EFCAB11: variants seen among roughly 807,000 people sequenced by gnomAD.
EFCAB11 encodes EF-hand calcium binding domain 11.
A neutral mutation model predicts 23.0 loss-of-function variants in EFCAB11; 14 were observed. That is an observed-to-expected ratio of 0.61 (90% confidence interval 0.40 to 0.95). The LOEUF is 0.95. EFCAB11 is among the 40% of genes least tolerant of loss of function. The probability of loss-of-function intolerance (pLI) is 0.00; values close to 1 mark genes in which losing one functional copy is unlikely to be tolerated. For missense variants in EFCAB11, 198 were observed against 195.8 expected (o/e 1.01, Z -0.07); for synonymous variants, 65 against 66.6 (o/e 0.98, Z 0.11).
chr14:89,797,552 A>T (rs904635157), intron 5 of EFCAB11, among the ~76,000 whole-genome samples: 1 of 152,198 alleles, frequency 6.6e-6, no homozygotes, highest in Non-Finnish European at 1.5e-5. Flanking sequence ...ATATTTAAAG[A>T]GATGAAGCCA....
intron 5 of EFCAB11, among the ~76,000 whole-genome samples, chr14:89,878,164 G>C (rs1033231849): frequency 6.6e-6 from 1 of 152,204 alleles, no homozygotes; most frequent in African/African-American, 2.4e-5. Context: ...CGTACTAAAA[G>C]ATGATCTGAG....
At chr14:89,894,591 T>C (rs1311849481) in intron 5 of EFCAB11, among the ~76,000 whole-genome samples, 5 of 152,164 alleles carry the variant, frequency 3.3e-5, no homozygotes, top group Non-Finnish European at 1.5e-5. Flanking sequence ...AATTAAGTGA[T>C]AAAATATTGA....
rs182290836 is a variant in EFCAB11 at position 89,846,107 on chromosome 14, A to G, written c.411-48783T>C. 1.9e-4 allele frequency among the ~76,000 whole-genome samples: 29 copies of G among 152,364 alleles called. 1 individual carries two copies. Among genetic ancestry groups the G allele is most frequent in the African/African-American group, 5.3e-4 (22 of 41,584 alleles). ...GAAAGTGCACCTATCTTGCGGAGTT[A>G]TAAGTGTATAAAGAGATAATCCACA... On this transcript the variant is annotated intron_variant, in intron 5 of 5. Transcript: ENST00000316738.
intron 5 of EFCAB11, among the ~76,000 whole-genome samples, chr14:89,915,514 T>C (rs1889813551): frequency 6.6e-6 from 1 of 152,244 alleles, no homozygotes; most frequent in African/African-American, 2.4e-5. Flanking sequence ...GTTTGGTTCA[T>C]TAAGAGAGGA....
intron 3 of EFCAB11, among the ~76,000 whole-genome samples, chr14:89,937,537 A>T (rs1890628072): frequency 6.6e-6 from 1 of 151,968 alleles, no homozygotes; most frequent in Non-Finnish European, 1.5e-5. Context: ...ACATATATAT[A>T]TATATTTTAG....
intron 5 of EFCAB11, among the ~76,000 whole-genome samples, chr14:89,839,459 A>G (rs1314747214): frequency 6.6e-6 from 1 of 152,104 alleles, no homozygotes; most frequent in Non-Finnish European, 1.5e-5. Flanking sequence ...TCTCTCTGTT[A>G]GTCTGCCACA....
At chr14:89,867,996 T>G (rs963179770) in intron 5 of EFCAB11, among the ~76,000 whole-genome samples, 4 of 152,224 alleles carry the variant, frequency 2.6e-5, no homozygotes, top group African/African-American at 4.8e-5. Context: ...TAACGATGCC[T>G]CATGGGCGAA....
rs1340863263 is a variant in EFCAB11 at position 89,886,538 on chromosome 14, A to G, written c.410+45003T>C. Among the ~76,000 whole-genome samples the G allele has an allele frequency of 5.5e-5, 8 of 145,814 alleles. 1 individual carries two copies. The highest frequency in any genetic ancestry group is 1.0e-4 in the Non-Finnish European group (7 of 67,070). The stretch of plus-strand genomic sequence containing the variant: ...GTCTCAAAAAAAAAAAAAAAAAAAA[A>G]AAAAAAGGAAAGTGATCTGCTTTAC... On this transcript the variant is annotated intron_variant, in intron 5 of 5. Transcript: ENST00000316738.
At chr14:89,938,112 G>A (rs564186559) in intron 3 of EFCAB11, 1 of 152,274 alleles carries the variant, frequency 6.6e-6, no homozygotes, top group East Asian at 1.9e-4. Context: ...TCTTGAAAAT[G>A]AAGGAGTCTA....
chr14:89,847,776 G>GA (rs1453174843), intron 5 of EFCAB11, among the ~76,000 whole-genome samples: 19 of 135,398 alleles, frequency 1.4e-4, no homozygotes, highest in African/African-American at 5.0e-4. Flanking sequence ...AAGAAAGAAA[G>GA]AAAAAAAAGA....
chr14:89,949,214 T>C (rs1248729412), intron 3 of EFCAB11, among the ~76,000 whole-genome samples: 2 of 152,070 alleles, frequency 1.3e-5, no homozygotes, highest in African/African-American at 4.8e-5. Flanking sequence ...ACACATTACA[T>C]GCCTACATCA....
At chr14:89,873,744 C>T (rs781322562) in intron 5 of EFCAB11, among the ~76,000 whole-genome samples, 6 of 152,230 alleles carry the variant, frequency 3.9e-5, no homozygotes, top group Admixed American at 1.3e-4. Flanking sequence ...TCTCCTTTGA[C>T]TCCAGGTCTC....
chr14:89,925,744 C>T (rs1238175172), intron 5 of EFCAB11, among the ~76,000 whole-genome samples: 1 of 151,694 alleles, frequency 6.6e-6, no homozygotes, highest in African/African-American at 2.4e-5. Flanking sequence ...CTCCCGGGTT[C>T]AAGCGATTCT....
intron 5 of EFCAB11, among the ~76,000 whole-genome samples, chr14:89,818,190 C>T (rs1286635832): frequency 6.6e-6 from 1 of 151,980 alleles, no homozygotes; most frequent in East Asian, 1.9e-4. Flanking sequence ...TTAAAAGTTA[C>T]AGAAGGAAAA....
chr14:89,932,239 G>T (rs1872994182), intron 4 of EFCAB11, among the ~76,000 whole-genome samples: 1 of 152,074 alleles, frequency 6.6e-6, no homozygotes, highest in African/African-American at 2.4e-5. Context: ...TCCATAGGTG[G>T]CTCATGGCCT....
At position 89,885,215 on chromosome 14, in the gene EFCAB11, A is replaced by C. The variant is rs185401419; in HGVS notation, c.410+46326T>G. Among the ~76,000 whole-genome samples, 769 of 152,368 alleles carry C rather than the reference A, an allele frequency of 5.0e-3. 4 individuals are homozygous for C. The highest frequency in any genetic ancestry group is 7.9e-3 in the Non-Finnish European group (537 of 68,036). ...CCAAATATTTCAGAATTATCTGATA[A>C]AATATGTGTAAAACTTTTACATTAA... On this transcript the variant is annotated intron_variant, in intron 5 of 5. Transcript: ENST00000316738.
chr14:89,807,159 C>G (rs1411616346), intron 5 of EFCAB11, among the ~76,000 whole-genome samples: 1 of 152,172 alleles, frequency 6.6e-6, no homozygotes, highest in Non-Finnish European at 1.5e-5. Flanking sequence ...AACAGCTATT[C>G]TGAAGAGCTT....
intron 5 of EFCAB11, among the ~76,000 whole-genome samples, chr14:89,906,213 AAATAAATT>A (rs1889494910): frequency 1.3e-5 from 2 of 148,220 alleles, no homozygotes; most frequent in South Asian, 4.3e-4. Context: ...ATAAATAAAT[AAATAAATT>A]AAAGGTAACT....
At chr14:89,914,614 G>T (rs925372330) in intron 5 of EFCAB11, among the ~76,000 whole-genome samples, 1 of 152,012 alleles carries the variant, frequency 6.6e-6, no homozygotes, top group Admixed American at 6.6e-5. Flanking sequence ...GTGAAACCCC[G>T]TCTCTACTAA....
Sources: allele counts gnomAD v4.1 joint callset (sites outside exome capture counted in the v4.1 genomes callset), GRCh38; gene constraint gnomAD v4.1.1; transcripts MANE v1.5; gene names NCBI Gene and HGNC (gene_info 2026-07-23, HGNC 2026-07-21).